The following PURA variants were observed in gnomAD, a reference collection of about 807,000 sequenced individuals.
The protein encoded by PURA is purine rich element binding protein A.
A neutral mutation model predicts 23.1 loss-of-function variants in PURA; 2 were observed. The ratio of observed to expected loss-of-function variants is 0.09; its 90% CI spans 0.04 to 0.27. The LOEUF (loss-of-function observed/expected upper bound fraction) is 0.27. PURA is among the 10% of genes least tolerant of loss of function. The pLI, the probability that PURA is intolerant of heterozygous loss-of-function variation, is 1.00. For synonymous variants in PURA, 254 were observed against 205.9 expected (o/e 1.23, Z -2.00); for missense variants, 187 against 449.7 (o/e 0.42, Z 5.28).
rs749383474 is a variant in PURA at position 140,124,719 on chromosome 5, A to G, written c.*9569A>G. The G allele has an allele frequency of 2.4e-5, 4 of 167,042 alleles. No homozygotes were observed. The highest frequency in any genetic ancestry group is 4.4e-5 in the Non-Finnish European group (3 of 68,104). The allele number at this position is 167,042 out of a possible 1,614,324, so 10.3% of individuals were successfully genotyped here. On this transcript the variant is annotated 3_prime_UTR_variant, in exon 1 of 1. Coordinates refer to ENST00000331327, the MANE Select transcript of PURA (RefSeq NM_005859.5). The stretch of plus-strand genomic sequence containing the variant: ...TTAAAGATTCACATCATTAAGAGTT[A>G]TCTAACTTTTATGTTGTCAAATCTT...
rs1481390203 is a variant in PURA at position 140,123,706 on chromosome 5, AG to A, written c.*8558del. 1.2e-5 allele frequency: 2 copies of A among 166,996 alleles called. No homozygotes were observed. Among genetic ancestry groups the A allele is most frequent in the African/African-American group, 4.8e-5 (2 of 41,452 alleles). The allele number at this position is 166,996 out of a possible 1,614,324, so 10.3% of individuals were successfully genotyped here. A position where few individuals can be genotyped will look rare whatever the true frequency, so the allele number is the denominator to read the frequency against. On this transcript the variant is annotated 3_prime_UTR_variant, in exon 1 of 1. Coordinates refer to ENST00000331327, the MANE Select transcript of PURA (RefSeq NM_005859.5). ...GTTTAAATAGACAAAGTTAAAGCTT[AG>A]GATAGGGAATATATATGTATGTGTA...
Position 140,115,240 on chromosome 5 carries a change from GAAAAT to G in PURA, c.*95_*99del. 8.8e-6 allele frequency: 6 copies of G among 683,582 alleles called. No homozygotes were observed. The highest frequency in any genetic ancestry group is 1.3e-5 in the Non-Finnish European group (6 of 475,934). 42.3% of individuals were successfully genotyped at this position (683,582 alleles called of 1,614,324 possible). A position where few individuals can be genotyped will look rare whatever the true frequency, so the allele number is the denominator to read the frequency against. ...AGAAAATATACTGTAAAGAAAGAGAGAAAATAAAAAGTTAAAAAGTTAAAAAAAAA... is the reference window on the plus strand; with the variant it reads ...AGAAAATATACTGTAAAGAAAGAGAGAAAAAGTTAAAAAGTTAAAAAAAAA... On this transcript the variant is annotated 3_prime_UTR_variant, in exon 1 of 1. Coordinates refer to ENST00000331327, the MANE Select transcript of PURA (RefSeq NM_005859.5). This position sits in a 1 kb window ranked among gnomAD's most constrained non-coding sequence, Gnocchi z 4.1.
In PURA at chr5:140,124,900, C is replaced by T. The variant is rs949124550; in HGVS notation, c.*9750C>T. 1 of 166,906 alleles carries T rather than the reference C, an allele frequency of 6.0e-6. No individual in the cohort carries two copies. Among genetic ancestry groups the T allele is most frequent in the Non-Finnish European group, 1.5e-5 (1 of 68,082 alleles). The allele number at this position is 166,906 out of a possible 1,614,324, so 10.3% of individuals were successfully genotyped here. Reference sequence around the variant, plus strand: ...TTGATTATTTTTTAATGGAGTTTAACCAGCTTAATTAATGATTTTTCCAGT... The same window carrying T: ...TTGATTATTTTTTAATGGAGTTTAATCAGCTTAATTAATGATTTTTCCAGT... On this transcript the variant is annotated 3_prime_UTR_variant, in exon 1 of 1. Coordinates refer to ENST00000331327, the MANE Select transcript of PURA (RefSeq NM_005859.5).
chr5:140,114,455 G>A lies in PURA; in HGVS notation c.274G>A (p.Gly92Ser). 6.2e-7 allele frequency: 1 copy of A among 1,612,856 alleles called. No individual in the cohort carries two copies. The highest frequency in any genetic ancestry group is 8.5e-7 in the Non-Finnish European group (1 of 1,179,736). ...KGRFLKIAEV[G>S]AGGNKSRLTL... ...CCGCTTCCTGAAGATCGCCGAGGTG[G>A]GCGCGGGCGGCAACAAGAGCCGCCT... The change falls in exon 1 of 1, where the codon GGC becomes AGC. Residue 92 changes from glycine to serine, a missense_variant. Gly to Ser is a moderately conservative substitution (Grantham distance 56). Coordinates refer to ENST00000331327, the MANE Select transcript of PURA (RefSeq NM_005859.5).
In PURA at chr5:140,124,946, A is replaced by C. The variant is rs977800511; in HGVS notation, c.*9796A>C. ...CCAGTTTGAAGCACTTATTTTCCCA[A>C]TGTGAATAAAGGGAAAAGATCAGCA... On this transcript the variant is annotated 3_prime_UTR_variant, in exon 1 of 1. Coordinates refer to ENST00000331327, the MANE Select transcript of PURA (RefSeq NM_005859.5). The C allele has an allele frequency of 6.0e-6, 1 of 167,048 alleles. No individual in the cohort carries two copies. The highest frequency in any genetic ancestry group is 1.5e-5 in the Non-Finnish European group (1 of 68,098). 10.3% of individuals were successfully genotyped at this position (167,048 alleles called of 1,614,324 possible). A position where few individuals can be genotyped will look rare whatever the true frequency, so the allele number is the denominator to read the frequency against.
At position 140,114,730 on chromosome 5, in the gene PURA, G is replaced by A. The variant is rs769252578; in HGVS notation, c.549G>A (p.Thr183=). The A allele has an allele frequency of 1.9e-6, 3 of 1,612,716 alleles. No individual in the cohort carries two copies. The highest frequency in any genetic ancestry group is 2.5e-6 in the Non-Finnish European group (3 of 1,179,644). The change falls in exon 1 of 1, where the codon ACG becomes ACA. Residue 183 remains threonine (T), a synonymous_variant. Coordinates refer to ENST00000331327, the MANE Select transcript of PURA (RefSeq NM_005859.5). ...TVNRGPGLGS[T]QGQTIALPAQ... ...ACCGGGGGCCTGGCCTGGGCTCCAC[G>A]CAGGGCCAGACCATTGCGCTGCCCG...
Position 140,120,373 on chromosome 5 carries a change from A to G in PURA, c.*5223A>G. 6.0e-6 allele frequency: 1 copy of G among 166,856 alleles called. No homozygotes were observed. The allele number at this position is 166,856 out of a possible 1,614,324, so 10.3% of individuals were successfully genotyped here. On this transcript the variant is annotated 3_prime_UTR_variant, in exon 1 of 1. Transcript: ENST00000331327. ...TTGTGTAGATTTGTTAAAGTGTATCAATTTTTAAATCACAATATTTCTGTT... is the reference window on the plus strand; with the variant it reads ...TTGTGTAGATTTGTTAAAGTGTATCGATTTTTAAATCACAATATTTCTGTT...
chr5:140,121,204 T>G lies in PURA; in HGVS notation c.*6054T>G, dbSNP rs1445633353. ...AGTTCAAGGACCAAGTCCTTCTATT[T>G]TAGAATTGTGAAAAACATGGAAATA... On this transcript the variant is annotated 3_prime_UTR_variant, in exon 1 of 1. Transcript: ENST00000331327. 6.0e-6 allele frequency: 1 copy of G among 166,932 alleles called. No individual in the cohort carries two copies. Among genetic ancestry groups the G allele is most frequent in the Admixed American group, 6.5e-5 (1 of 15,270 alleles). The allele number at this position is 166,932 out of a possible 1,614,324, so 10.3% of individuals were successfully genotyped here.
rs1763187381 is a variant in PURA at position 140,124,702 on chromosome 5, T to G, written c.*9552T>G. The G allele has an allele frequency of 6.0e-6, 1 of 166,990 alleles. No homozygotes were observed. Among genetic ancestry groups the G allele is most frequent in the South Asian group, 2.1e-4 (1 of 4,834 alleles). 10.3% of individuals were successfully genotyped at this position (166,990 alleles called of 1,614,324 possible). On this transcript the variant is annotated 3_prime_UTR_variant, in exon 1 of 1. Transcript: ENST00000331327. ...TTACTCAAAATCATAAGTTAAAGAT[T>G]CACATCATTAAGAGTTATCTAACTT...
In PURA at chr5:140,115,245, T is replaced by G; in HGVS notation, c.*95T>G. The G allele has an allele frequency of 1.5e-6, 1 of 672,408 alleles. No individual in the cohort carries two copies. The highest frequency in any genetic ancestry group is 5.1e-5 in the South Asian group (1 of 19,462). The allele number at this position is 672,408 out of a possible 1,614,324, so 41.7% of individuals were successfully genotyped here. A position where few individuals can be genotyped will look rare whatever the true frequency, so the allele number is the denominator to read the frequency against. On this transcript the variant is annotated 3_prime_UTR_variant, in exon 1 of 1. Transcript: ENST00000331327. The surrounding 1 kb of genome is among the most constrained non-coding windows in gnomAD (Gnocchi z 4.1). ...ATATACTGTAAAGAAAGAGAGAAAA[T>G]AAAAAGTTAAAAAGTTAAAAAAAAA...
At position 140,120,364 on chromosome 5, in the gene PURA, A is replaced by G. The variant is rs1261900986; in HGVS notation, c.*5214A>G. 6.0e-6 allele frequency: 1 copy of G among 165,558 alleles called. No homozygotes were observed. The highest frequency in any genetic ancestry group is 1.5e-5 in the Non-Finnish European group (1 of 67,474). The allele number at this position is 165,558 out of a possible 1,614,324, so 10.3% of individuals were successfully genotyped here. A position where few individuals can be genotyped will look rare whatever the true frequency, so the allele number is the denominator to read the frequency against. On this transcript the variant is annotated 3_prime_UTR_variant, in exon 1 of 1. Transcript: ENST00000331327. Reference sequence around the variant, plus strand: ...CAAAGTTATTTGTGTAGATTTGTTAAAGTGTATCAATTTTTAAATCACAAT... The same window carrying G: ...CAAAGTTATTTGTGTAGATTTGTTAGAGTGTATCAATTTTTAAATCACAAT...
Position 140,123,663 on chromosome 5 carries a change from T to C in PURA, c.*8513T>C, listed in dbSNP as rs996849211. The C allele has an allele frequency of 6.0e-6, 1 of 166,760 alleles. No homozygotes were observed. The highest frequency in any genetic ancestry group is 1.5e-5 in the Non-Finnish European group (1 of 68,074). 10.3% of individuals were successfully genotyped at this position (166,760 alleles called of 1,614,324 possible). Reference sequence around the variant, plus strand: ...ATTTGCCAATAAAATCCTTTGTAAATGTGAGCTTTATTAAACTGTTTAAAT... The same window carrying C: ...ATTTGCCAATAAAATCCTTTGTAAACGTGAGCTTTATTAAACTGTTTAAAT... On this transcript the variant is annotated 3_prime_UTR_variant, in exon 1 of 1. Coordinates refer to ENST00000331327, the MANE Select transcript of PURA (RefSeq NM_005859.5).
rs936281939 is a variant in PURA at position 140,123,169 on chromosome 5, C to G, written c.*8019C>G. ...CTCATTTAAGTCAATGCAAAGCCTTCTTAAATAGCCCCTCCCTTAGAAATT... is the reference window on the plus strand; with the variant it reads ...CTCATTTAAGTCAATGCAAAGCCTTGTTAAATAGCCCCTCCCTTAGAAATT... On this transcript the variant is annotated 3_prime_UTR_variant, in exon 1 of 1. Transcript: ENST00000331327. The G allele has an allele frequency of 2.4e-5, 4 of 166,896 alleles. No individual in the cohort carries two copies. Among genetic ancestry groups the G allele is most frequent in the Admixed American group, 2.0e-4 (3 of 15,260 alleles). The allele number at this position is 166,896 out of a possible 1,614,324, so 10.3% of individuals were successfully genotyped here.
In PURA at chr5:140,123,919, T is replaced by G. The variant is rs1581039409; in HGVS notation, c.*8769T>G. ...AGTTTTCCATAATGTTCATATAGTTTCCTTATGGTCTAAGTGTTACAACTG... is the reference window on the plus strand; with the variant it reads ...AGTTTTCCATAATGTTCATATAGTTGCCTTATGGTCTAAGTGTTACAACTG... On this transcript the variant is annotated 3_prime_UTR_variant, in exon 1 of 1. Transcript: ENST00000331327. 1 of 167,158 alleles carries G rather than the reference T, an allele frequency of 6.0e-6. No homozygotes were observed. The highest frequency in any genetic ancestry group is 1.5e-5 in the Non-Finnish European group (1 of 68,074). 10.4% of individuals were successfully genotyped at this position (167,158 alleles called of 1,614,324 possible).
rs1179800665 is a variant in PURA at position 140,117,713 on chromosome 5, G to A, written c.*2563G>A. 1 of 165,642 alleles carries A rather than the reference G, an allele frequency of 6.0e-6. No homozygotes were observed. The highest frequency in any genetic ancestry group is 1.5e-5 in the Non-Finnish European group (1 of 68,090). The allele number at this position is 165,642 out of a possible 1,614,324, so 10.3% of individuals were successfully genotyped here. On this transcript the variant is annotated 3_prime_UTR_variant, in exon 1 of 1. Coordinates refer to ENST00000331327, the MANE Select transcript of PURA (RefSeq NM_005859.5). ...TATCTATAGACTTCAGATTCTGCTT[G>A]GAATCCCACCGGCTCAAGAAGCACA...
rs1763086871 is a variant in PURA, at chr5:140,116,914, G to A, written c.*1764G>A. ...ATCCAGCCATATAGATCTAACTGCTGTATGTATAAGACACCACCTGTAGGA... is the reference window on the plus strand; with the variant it reads ...ATCCAGCCATATAGATCTAACTGCTATATGTATAAGACACCACCTGTAGGA... On this transcript the variant is annotated 3_prime_UTR_variant, in exon 1 of 1. Transcript: ENST00000331327. 6.0e-6 allele frequency: 1 copy of A among 166,636 alleles called. No homozygotes were observed. The highest frequency in any genetic ancestry group is 2.1e-4 in the South Asian group (1 of 4,828). 10.3% of individuals were successfully genotyped at this position (166,636 alleles called of 1,614,324 possible). A position where few individuals can be genotyped will look rare whatever the true frequency, so the allele number is the denominator to read the frequency against.
chr5:140,115,118 C>A lies in PURA; in HGVS notation c.937C>A (p.Leu313Met). 1 of 1,596,292 alleles carries A rather than the reference C, an allele frequency of 6.3e-7. No homozygotes were observed. The highest frequency in any genetic ancestry group is 1.8e-5 in the Admixed American group (1 of 56,646). ...GGAGACCGCCGCTGCCACCCTGCTA[C>A]TGCAGGGTGAGGAAGAAGGGGAAGA... Reference protein sequence around the residue: ...QEETAAATLLLQGEEEGEED With the variant: ...QEETAAATLLMQGEEEGEED The change falls in exon 1 of 1, where the codon CTG becomes ATG. Residue 313 changes from leucine (L) to methionine (M), a missense_variant. This residue lies in a region of PURA where 65 missense variants were observed against 158.6 expected (regional missense o/e 0.41). Coordinates refer to ENST00000331327, the MANE Select transcript of PURA (RefSeq NM_005859.5). This position sits in a 1 kb window ranked among gnomAD's most constrained non-coding sequence, Gnocchi z 4.1.
Position 140,114,208 on chromosome 5 carries a change from G to A in PURA, c.27G>A (p.Glu9=), listed in dbSNP as rs1481319515. 6.9e-5 allele frequency: 65 copies of A among 936,416 alleles called. No individual in the cohort carries two copies. Among genetic ancestry groups the A allele is most frequent in the Non-Finnish European group, 8.9e-5 (65 of 730,556 alleles). 58.0% of individuals were successfully genotyped at this position (936,416 alleles called of 1,614,324 possible). A position where few individuals can be genotyped will look rare whatever the true frequency, so the allele number is the denominator to read the frequency against. MADRDSGS[E]QGGAALGSGG... ...TGGCGGACCGAGACAGCGGCAGCGA[G>A]CAGGGTGGTGCGGCGCTGGGTTCGG... Residue 9 remains glutamate, a synonymous_variant, in exon 1 of 1, where the codon GAG becomes GAA. Transcript: ENST00000331327.
rs754074166 is a variant in PURA at position 140,114,310 on chromosome 5, TGGCGGCGGC to T, written c.138_146del (p.Gly47_Gly49del). On this transcript the variant is annotated inframe_deletion, in exon 1 of 1. Coordinates refer to ENST00000331327, the MANE Select transcript of PURA (RefSeq NM_005859.5). The stretch of plus-strand genomic sequence containing the variant: ...GTGGCGGCGGGGGCGGCGGCGGCAG[TGGCGGCGGC>T]GGCGGCGGGGCCCCAGGGGGGCTGC... The T allele has an allele frequency of 7.7e-6, 10 of 1,291,002 alleles. No homozygotes were observed. Among genetic ancestry groups the T allele is most frequent in the Non-Finnish European group, 9.7e-6 (10 of 1,027,830 alleles). The allele number at this position is 1,291,002 out of a possible 1,614,324, so 80.0% of individuals were successfully genotyped here. A position where few individuals can be genotyped will look rare whatever the true frequency, so the allele number is the denominator to read the frequency against.
Sources: allele counts gnomAD v4.1 joint callset, GRCh38; gene constraint gnomAD v4.1.1; regional missense constraint gnomAD v4.1.1; non-coding constraint Gnocchi (gnomAD v3.1); transcripts MANE v1.5; gene names NCBI Gene and HGNC (gene_info 2026-07-23, HGNC 2026-07-21).